NAGK: variants seen among roughly 807,000 people sequenced by gnomAD.
NAGK encodes N-acetylglucosamine kinase.
In NAGK, 35 loss-of-function variants were observed where a neutral mutation model predicts 42.9. That is an observed-to-expected ratio of 0.82 (90% CI 0.62 to 1.08). NAGK has a LOEUF of 1.08. Ranked by LOEUF, NAGK falls within the 50% of genes least tolerant of loss-of-function variation. NAGK has a pLI of 0.00. For synonymous variants in NAGK, 172 were observed against 176.0 expected (o/e 0.98, Z 0.18); for missense variants, 446 against 446.0 (o/e 1.00, Z 0.00).
In NAGK at chr2:71,076,708, TGAG is replaced by T; in HGVS notation, c.765+9_765+11del. 6.2e-7 allele frequency: 1 copy of T among 1,612,006 alleles called. No individual in the cohort carries two copies. Among genetic ancestry groups the T allele is most frequent in the South Asian group, 1.1e-5 (1 of 90,968 alleles). On this transcript the variant is annotated splice_region_variant and intron_variant, in intron 8 of 9. Transcript: ENST00000244204. Reference sequence around the variant, plus strand: ...GTTGCCCGAGATTGACCCGGTGAGTTGAGGTGGGAGTGAAGGTGGGGAGCTGCT... The same window carrying T: ...GTTGCCCGAGATTGACCCGGTGAGTTGTGGGAGTGAAGGTGGGGAGCTGCT...
intron 1 of NAGK, 62 bp from the exon 2 acceptor site, chr2:71,070,440 C>A (rs572876708): frequency 8.9e-6 from 13 of 1,455,750 alleles, no homozygotes; most frequent in Non-Finnish European, 1.2e-5. Context: ...GTGGACAGCA[C>A]AAGCTTAGCT....
intron 5 of NAGK, 99 bp downstream of exon 5, chr2:71,072,850 C>A (rs760288814): frequency 1.3e-5 from 14 of 1,095,024 alleles, no homozygotes; most frequent in Non-Finnish European, 1.9e-5. Context: ...GCCCTTGGGG[C>A]TTCCTGGGGA....
intron 6 of NAGK, chr2:71,075,258 G>GAAA: frequency 4.3e-6 from 1 of 234,884 alleles, no homozygotes; most frequent in Non-Finnish European, 8.1e-6. Context: ...CCCTAAAAAG[G>GAAA]AAAAAAAAAA....
rs1672225729 is a variant in NAGK at position 71,076,702 on chromosome 2, G to A, written c.765+1G>A. 8 of 1,612,476 alleles carry A rather than the reference G, an allele frequency of 5.0e-6. No individual in the cohort carries two copies. Among genetic ancestry groups the A allele is most frequent in the Non-Finnish European group, 6.8e-6 (8 of 1,178,730 alleles). On this transcript the variant is annotated splice_donor_variant, in intron 8 of 9. Coordinates refer to ENST00000244204, the MANE Select transcript of NAGK (RefSeq NM_017567.6). LOFTEE classifies it high-confidence loss of function. ...AGCAGTGTTGCCCGAGATTGACCCG[G>A]TGAGTTGAGGTGGGAGTGAAGGTGG... is the stretch of plus-strand genomic sequence containing the variant.
rs753268615 is a variant in NAGK, at chr2:71,070,614, G to A, written c.114+28G>A. 29 of 1,608,148 alleles carry A rather than the reference G, an allele frequency of 1.8e-5. No homozygotes were observed. In the Admixed American group the frequency reaches 2.2e-4, roughly 12 times the overall value. On this transcript the variant is annotated intron_variant, in intron 2 of 9. Transcript: ENST00000244204. The stretch of plus-strand genomic sequence containing the variant: ...AAAAACCACACTGAGGGGATCAGAG[G>A]GCTTGGTTCTGATTTTATTCTCTGT...
Position 71,074,654 on chromosome 2 carries a change from C to A in NAGK, c.580-901C>A, listed in dbSNP as rs1672145676. 2 of 152,274 alleles carry A rather than the reference C, an allele frequency of 1.3e-5. 1 individual carries two copies. Among genetic ancestry groups the A allele is most frequent in the South Asian group, 4.1e-4 (2 of 4,834 alleles). 9.4% of individuals were successfully genotyped at this position (152,274 alleles called of 1,614,324 possible). On this transcript the variant is annotated intron_variant, in intron 6 of 9. Coordinates refer to ENST00000244204, the MANE Select transcript of NAGK (RefSeq NM_017567.6). The stretch of plus-strand genomic sequence containing the variant: ...TGGGGGCTGGGCACGGTGGCTCACA[C>A]CTGTAATCCCAGCACTTTGAGAGGC...
At chr2:71,078,270 CA>C in intron 9 of NAGK, 47 bp from the exon 10 acceptor site, 1 of 1,572,290 alleles carries the variant, frequency 6.4e-7, no homozygotes, top group Admixed American at 1.7e-5. Context: ...GGCCCCAGTA[CA>C]GGTTGCTGTT....
chr2:71,071,664 G>T (rs548894759), intron 3 of NAGK, 22 bp from the exon 4 acceptor site: 4 of 1,602,556 alleles, frequency 2.5e-6, no homozygotes, highest in Non-Finnish European at 3.4e-6. Flanking sequence ...CTGCACACTC[G>T]CTCACCTCCC....
chr2:71,068,871 C>T (rs1671892378), intron 1 of NAGK, 159 bp downstream of exon 1: 1 of 1,369,330 alleles, frequency 7.3e-7, no homozygotes, highest in Non-Finnish European at 9.4e-7. Flanking sequence ...CGCCCTGGAG[C>T]GCACAGCTGT....
chr2:71,068,766 T>G (rs1671886860), intron 1 of NAGK, 54 bp downstream of exon 1: 1 of 1,437,858 alleles, frequency 7.0e-7, no homozygotes, highest in South Asian at 1.4e-5. Context: ...CGGAAGGCCG[T>G]GGCCAGCCTG....
intron 1 of NAGK, 158 bp downstream of exon 1, chr2:71,068,870 G>A (rs1473215762): frequency 4.1e-5 from 56 of 1,370,194 alleles, no homozygotes; most frequent in Non-Finnish European, 5.0e-5. Flanking sequence ...GCGCCCTGGA[G>A]CGCACAGCTG....
intron 5 of NAGK, 122 bp from the exon 6 acceptor site, chr2:71,073,360 A>C: frequency 1.4e-5 from 4 of 280,028 alleles, no homozygotes; most frequent in South Asian, 3.3e-5. Context: ...CCTGGCTGGG[A>C]ATCAGGAAAC....
At chr2:71,077,152 T>A (rs776408627) in intron 8 of NAGK, among the ~76,000 whole-genome samples, 2 of 152,068 alleles carry the variant, frequency 1.3e-5, no homozygotes, top group Non-Finnish European at 2.9e-5. Context: ...ATTTTTGTAT[T>A]TTTGGTTTTG....
At chr2:71,075,694 C>G (rs1406412120) in intron 7 of NAGK, 52 bp downstream of exon 7, 14 of 1,523,468 alleles carry the variant, frequency 9.2e-6, no homozygotes, top group Non-Finnish European at 1.3e-5. Context: ...CAAAGATCCC[C>G]AGTTGGGAGA....
chr2:71,075,954 C>G (rs573748513), intron 7 of NAGK: 221 of 395,748 alleles, frequency 5.6e-4, no homozygotes, highest in Non-Finnish European at 8.0e-4. Flanking sequence ...CTTTCTTTTC[C>G]TAGCCAATTA....
intron 4 of NAGK, chr2:71,072,389 A>G (rs1672048582): frequency 2.1e-6 from 1 of 473,374 alleles, no homozygotes; most frequent in Non-Finnish European, 3.9e-6. Flanking sequence ...AAGGAGCCAC[A>G]TTCCCTCTAA....
At chr2:71,073,341 C>T in intron 5 of NAGK, 141 bp from the exon 6 acceptor site, 1 of 587,042 alleles carries the variant, frequency 1.7e-6, no homozygotes, top group South Asian at 1.7e-5. Context: ...TCTCCCACCC[C>T]CTGCCACCCC....
chr2:71,075,618 G>C lies in NAGK; in HGVS notation c.643G>C (p.Gly215Arg), dbSNP rs201526773. The change falls in exon 7 of 10, where the codon GGG becomes CGG. Residue 215 changes from glycine to arginine, a missense_variant. Transcript: ENST00000244204. ...YRDFDKCRFAGFCRKIAEGAQ... is the reference protein window; with the variant it reads ...YRDFDKCRFARFCRKIAEGAQ... Reference sequence around the variant, plus strand: ...GGACTTTGATAAATGCAGGTTTGCTGGGTTTTGCCGGAAAATTGCAGAAGG... The same window carrying C: ...GGACTTTGATAAATGCAGGTTTGCTCGGTTTTGCCGGAAAATTGCAGAAGG... The C allele has an allele frequency of 1.6e-5, 26 of 1,613,880 alleles. No homozygotes were observed. Among genetic ancestry groups the C allele is most frequent in the Non-Finnish European group, 2.2e-5 (26 of 1,179,896 alleles).
chr2:71,075,822 G>A, intron 7 of NAGK, 180 bp downstream of exon 7: 1 of 607,742 alleles, frequency 1.6e-6, no homozygotes, highest in Non-Finnish European at 3.0e-6. Context: ...AGGGCACGTG[G>A]GTCGTGTTGA....
Sources: allele counts gnomAD v4.1 joint callset (sites outside exome capture counted in the v4.1 genomes callset), GRCh38; gene constraint gnomAD v4.1.1; transcripts MANE v1.5; gene names NCBI Gene and HGNC (gene_info 2026-07-23, HGNC 2026-07-21).